TECPR2: variants seen among roughly 807,000 people sequenced by gnomAD.
The protein encoded by TECPR2 is tectonin beta-propeller repeat-containing protein 2.
In TECPR2, 65 loss-of-function variants were observed where a neutral mutation model predicts 138.1. That is an observed-to-expected ratio of 0.47 (90% CI 0.39 to 0.58). TECPR2 has a LOEUF of 0.58. Among genes scored for constraint, TECPR2 ranks in the 20% least tolerant of loss-of-function variants. The probability of loss-of-function intolerance (pLI) is 0.00; values close to 1 mark genes in which losing one functional copy is unlikely to be tolerated. For missense variants in TECPR2, 1,553 were observed against 1,824.5 expected (o/e 0.85, Z 2.71); for synonymous variants, 746 against 749.8 (o/e 0.99, Z 0.08).
chr14:102,363,290 G>A (rs1887233933), intron 1 of TECPR2, among the ~76,000 whole-genome samples, 174 bp downstream of exon 1: 1 of 152,176 alleles, frequency 6.6e-6, no homozygotes, highest in African/African-American at 2.4e-5. Flanking sequence ...CGGAGTGGCG[G>A]ACACTAAATG....
rs1341433113 is a variant in TECPR2, at chr14:102,500,736, C to T, written c.*2479C>T. The T allele has an allele frequency of 2.6e-5, 4 of 152,214 alleles. No individual in the cohort carries two copies. Among genetic ancestry groups the T allele is most frequent in the Admixed American group, 2.6e-4 (4 of 15,290 alleles). 9.4% of individuals were successfully genotyped at this position (152,214 alleles called of 1,614,324 possible). ...CATTATGGAAAGACCTCATTCTTTC[C>T]AAAGGAATTTATAGGTGTAGCTTGA... On this transcript the variant is annotated 3_prime_UTR_variant, in exon 20 of 20. Transcript: ENST00000359520.
intron 13 of TECPR2, among the ~76,000 whole-genome samples, chr14:102,448,860 A>G (rs868659058): frequency 2.0e-5 from 3 of 151,388 alleles, no homozygotes; most frequent in Non-Finnish European, 4.4e-5. Context: ...GGGCAAGACT[A>G]TGTCTCAAAA....
intron 17 of TECPR2, among the ~76,000 whole-genome samples, chr14:102,473,248 C>T (rs1194794251): frequency 1.3e-5 from 2 of 152,200 alleles, no homozygotes; most frequent in Non-Finnish European, 1.5e-5. Flanking sequence ...ATGTCATAGG[C>T]TTAGTGGCCT....
At chr14:102,403,227 C>T (rs921155652) in intron 2 of TECPR2, among the ~76,000 whole-genome samples, 4 of 152,158 alleles carry the variant, frequency 2.6e-5, no homozygotes, top group Admixed American at 2.6e-4. Flanking sequence ...AAGGATGGTT[C>T]AACATATGAA....
chr14:102,445,816 G>A lies in TECPR2; in HGVS notation c.2944G>A (p.Ala982Thr), dbSNP rs1889960276. The A allele has an allele frequency of 6.2e-7, 1 of 1,613,828 alleles. No homozygotes were observed. The highest frequency in any genetic ancestry group is 8.5e-7 in the Non-Finnish European group (1 of 1,179,904). The change falls in exon 13 of 20, where the codon GCT becomes ACT. Residue 982 changes from alanine (A) to threonine (T), a missense_variant. Physicochemically the swap from Ala to Thr is moderately conservative, Grantham distance 58. Transcript: ENST00000359520. ...WKCDIVSERQ[A>T]LEPVCITLGD... ...CCTCCTTATTTTCAGCGAAAGGCAA[G>A]CTTTAGAACCCGTCTGCATAACGCT...
chr14:102,416,277 A>G (rs930004220), intron 5 of TECPR2, among the ~76,000 whole-genome samples: 2 of 152,000 alleles, frequency 1.3e-5, no homozygotes, highest in African/African-American at 2.4e-5. Context: ...ATGTGCCACC[A>G]CACCCGGCTA....
At chr14:102,487,086 T>C (rs1163894608) in intron 17 of TECPR2, among the ~76,000 whole-genome samples, 1 of 152,092 alleles carries the variant, frequency 6.6e-6, no homozygotes, top group Non-Finnish European at 1.5e-5. Flanking sequence ...TCAGCATGTG[T>C]CAGTCTTTAC....
chr14:102,453,750 C>T (rs1025332409), intron 16 of TECPR2, among the ~76,000 whole-genome samples: 1 of 142,108 alleles, frequency 7.0e-6, no homozygotes, highest in African/African-American at 2.7e-5. Context: ...TTAGAACCAG[C>T]ATTTGGTTAT....
At chr14:102,440,126 T>C (rs1889789469) in intron 10 of TECPR2, among the ~76,000 whole-genome samples, 1 of 152,250 alleles carries the variant, frequency 6.6e-6, no homozygotes, top group Admixed American at 6.5e-5. Flanking sequence ...TGCCCAGCTC[T>C]GTGGCCATGT....
chr14:102,441,678 G>A (rs1478048523), intron 11 of TECPR2, among the ~76,000 whole-genome samples: 3 of 152,032 alleles, frequency 2.0e-5, no homozygotes, highest in African/African-American at 7.2e-5. Context: ...GTGACAGGGC[G>A]AGACTCCGTC....
Position 102,407,328 on chromosome 14 carries a change from G to A in TECPR2, c.220-10G>A, listed in dbSNP as rs776064965. ...AGTTACAGATTCATTTGTTTTCAAC[G>A]TTTCCCCAGGGGAAGACGGAATCTA... is the stretch of plus-strand genomic sequence containing the variant. On this transcript the variant is annotated splice_polypyrimidine_tract_variant and intron_variant, in intron 2 of 19. Coordinates refer to ENST00000359520, the MANE Select transcript of TECPR2 (RefSeq NM_014844.5). 7 of 1,587,074 alleles carry A rather than the reference G, an allele frequency of 4.4e-6. No individual in the cohort carries two copies. Among genetic ancestry groups the A allele is most frequent in the Non-Finnish European group, 6.0e-6 (7 of 1,169,412 alleles).
rs1313005281 is a variant in TECPR2 at position 102,415,284 on chromosome 14, G to A, written c.638+491G>A. 1.3e-5 allele frequency among the ~76,000 whole-genome samples: 2 copies of A among 152,230 alleles called. No individual in the cohort carries two copies. The highest frequency in any genetic ancestry group is 2.9e-5 in the Non-Finnish European group (2 of 68,038). On this transcript the variant is annotated intron_variant, in intron 5 of 19. Transcript: ENST00000359520. The surrounding 1 kb of genome is among the most constrained non-coding windows in gnomAD (Gnocchi z 4.3). ...ACAGATAGAACACTTGTTGACCACT[G>A]TGTCAGCTGCTGTGGACCAAAATAC... is the stretch of plus-strand genomic sequence containing the variant.
rs1158127056 is a variant in TECPR2, at chr14:102,434,658, C to G, written c.1841C>G (p.Pro614Arg). 3.1e-6 allele frequency: 5 copies of G among 1,605,814 alleles called. No homozygotes were observed. The highest frequency in any genetic ancestry group is 4.3e-6 in the Non-Finnish European group (5 of 1,174,160). ...ADDGPNSTQL[P>R]FQEQDSSPGA... Reference sequence around the variant, plus strand: ...GATGGACCAAATAGCACACAGTTACCCTTCCAAGAACAGGACAGCTCTCCT... The same window carrying G: ...GATGGACCAAATAGCACACAGTTACGCTTCCAAGAACAGGACAGCTCTCCT... Residue 614 changes from proline to arginine, a missense_variant, in exon 9 of 20, where the codon CCC (proline) becomes CGC (arginine). Coordinates refer to ENST00000359520, the MANE Select transcript of TECPR2 (RefSeq NM_014844.5).
chr14:102,423,447 A>G (rs1307443588), intron 5 of TECPR2, among the ~76,000 whole-genome samples: 1 of 152,138 alleles, frequency 6.6e-6, no homozygotes, highest in Non-Finnish European at 1.5e-5. Flanking sequence ...CAAAAAAAAA[A>G]AAAGAGGTTT....
At position 102,425,158 on chromosome 14, in the gene TECPR2, G is replaced by C; in HGVS notation, c.818G>C (p.Arg273Pro). Residue 273 changes from arginine to proline, a missense_variant, in exon 6 of 20, where the codon CGT becomes CCT. Transcript: ENST00000359520. ...GTCAAGCCTTTTGAACTGCACCCGCGTCTGGAATCCCCCAACAGTGGAAGT... is the reference window on the plus strand; with the variant it reads ...GTCAAGCCTTTTGAACTGCACCCGCCTCTGGAATCCCCCAACAGTGGAAGT... Reference protein sequence around the residue: ...GGVKPFELHPRLESPNSGSCS... With the variant: ...GGVKPFELHPPLESPNSGSCS... The C allele has an allele frequency of 6.2e-7, 1 of 1,614,080 alleles. No homozygotes were observed.
At chr14:102,453,669 G>A (rs1890207859) in intron 16 of TECPR2, among the ~76,000 whole-genome samples, 1 of 152,128 alleles carries the variant, frequency 6.6e-6, no homozygotes, top group Non-Finnish European at 1.5e-5. Flanking sequence ...CCAGGGCCCG[G>A]ATGAGCCCTG....
At chr14:102,465,615 T>C in intron 17 of TECPR2, 2 of 1,005,354 alleles carry the variant, frequency 2.0e-6, no homozygotes, top group South Asian at 8.9e-5. Flanking sequence ...TATTTTATAA[T>C]AATAATGATA....
intron 1 of TECPR2, among the ~76,000 whole-genome samples, chr14:102,366,146 G>C (rs546432927): frequency 1.3e-5 from 2 of 152,222 alleles, no homozygotes; most frequent in African/African-American, 4.8e-5. Flanking sequence ...CCTAGCTCCA[G>C]TTTGAGAAAT....
intron 17 of TECPR2, among the ~76,000 whole-genome samples, chr14:102,484,954 C>T (rs896670631): frequency 1.3e-5 from 2 of 152,346 alleles, no homozygotes; most frequent in Non-Finnish European, 2.9e-5. Flanking sequence ...CCACTGCGCC[C>T]GCCCCGTTTT....
Sources: allele counts gnomAD v4.1 joint callset (sites outside exome capture counted in the v4.1 genomes callset), GRCh38; gene constraint gnomAD v4.1.1; non-coding constraint Gnocchi (gnomAD v3.1); transcripts MANE v1.5; gene names NCBI Gene and HGNC (gene_info 2026-07-23, HGNC 2026-07-21).